The following AFF2 variants were observed in gnomAD, a reference collection of about 807,000 sequenced individuals.
The protein encoded by AFF2 is AF4/FMR2 family member 2.
In AFF2, 14 loss-of-function variants were observed where a neutral mutation model predicts 76.9. That is an observed-to-expected ratio of 0.18 (90% CI 0.12 to 0.28). The LOEUF (loss-of-function observed/expected upper bound fraction) is 0.28, where lower values mean the gene tolerates loss of function less well. AFF2 is among the 10% of genes least tolerant of loss of function. The pLI, the probability that AFF2 is intolerant of heterozygous loss-of-function variation, is 1.00. For synonymous variants in AFF2, 398 were observed against 366.7 expected (o/e 1.09, Z -0.98); for missense variants, 868 against 1,001.1 (o/e 0.87, Z 1.79).
intron 1 of AFF2, among the ~76,000 whole-genome samples, chrX:148,509,525 C>T (rs1411814133): frequency 8.9e-6 from 1 of 112,042 alleles, no homozygotes; most frequent in Non-Finnish European, 1.9e-5. Context: ...GCTTTGGAAA[C>T]ATTTGTGCAA....
At chrX:148,879,994 G>T (rs889548844) in intron 7 of AFF2, among the ~76,000 whole-genome samples, 2 of 112,126 alleles carry the variant, frequency 1.8e-5, no homozygotes, top group African/African-American at 6.5e-5. Context: ...TCAGGCCCAC[G>T]TGCCCATGGC....
rs1372097557 is a variant in AFF2, at chrX:148,507,926, G to T, written c.47+6782G>T. Among the ~76,000 whole-genome samples, 3 of 111,899 alleles carry T rather than the reference G, an allele frequency of 2.7e-5. No individual in the cohort carries two copies. The East Asian group carries it at 8.4e-4, about 31-fold the overall frequency. On this transcript the variant is annotated intron_variant, in intron 1 of 20. Transcript: ENST00000370460. ...TTGATTATGGATTGCTTACTTTATG[G>T]GATGCTGTTTTTCAAACATACCTGT... is the stretch of plus-strand genomic sequence containing the variant.
intron 3 of AFF2, among the ~76,000 whole-genome samples, chrX:148,680,575 GC>G (rs1277008680): frequency 3.6e-5 from 4 of 111,863 alleles, no homozygotes; most frequent in Non-Finnish European, 7.5e-5. Context: ...CCTTTATCAA[GC>G]ACTTATCATA....
intron 1 of AFF2, among the ~76,000 whole-genome samples, chrX:148,638,468 C>T: frequency 9.0e-6 from 1 of 111,614 alleles, no homozygotes; most frequent in African/African-American, 3.3e-5. Context: ...GATCCAATCA[C>T]CCCCCAACCA....
intron 3 of AFF2, among the ~76,000 whole-genome samples, chrX:148,782,533 T>C (rs782450548): frequency 8.9e-6 from 1 of 112,480 alleles, no homozygotes; most frequent in Non-Finnish European, 1.9e-5. Context: ...AGGATGGTTT[T>C]TCCCATTTCT....
At position 148,500,742 on chromosome X, in the gene AFF2, CT is replaced by C. The variant is rs1221391039; in HGVS notation, c.-355del. On this transcript the variant is annotated 5_prime_UTR_variant, in exon 1 of 21. Coordinates refer to ENST00000370460, the MANE Select transcript of AFF2 (RefSeq NM_002025.4). ...TCTGCCCCGGCCGCCCCCGCCGCCG[CT>C]GCCGCCGCCGGCCCGCAGCCAGCCA... The C allele has an allele frequency of 7.0e-5, 7 of 100,641 alleles. No homozygotes were observed. The highest frequency in any genetic ancestry group is 4.1e-4 in the Admixed American group (4 of 9,776). 8.3% of individuals were successfully genotyped at this position (100,641 alleles called of 1,213,427 possible).
intron 3 of AFF2, among the ~76,000 whole-genome samples, chrX:148,710,190 A>T (rs1041479863): frequency 5.4e-5 from 6 of 112,092 alleles, no homozygotes; most frequent in African/African-American, 1.9e-4. Flanking sequence ...GAAATTGATC[A>T]GGTTGTTCTC....
chrX:148,809,502 C>T (rs914163343), intron 3 of AFF2, among the ~76,000 whole-genome samples: 15 of 111,956 alleles, frequency 1.3e-4, no homozygotes, highest in East Asian at 1.1e-3. Flanking sequence ...AAAAGTGTTT[C>T]GTATAGGCCT....
chrX:148,965,545 T>A (rs2072161906), intron 13 of AFF2, among the ~76,000 whole-genome samples: 1 of 111,595 alleles, frequency 9.0e-6, no homozygotes, highest in Non-Finnish European at 1.9e-5. Context: ...CAAAGTCAGT[T>A]TGGAAACTCT....
intron 3 of AFF2, among the ~76,000 whole-genome samples, chrX:148,662,999 C>A (rs1258086957): frequency 8.9e-6 from 1 of 111,917 alleles, no homozygotes; most frequent in Non-Finnish European, 1.9e-5. Flanking sequence ...CAAGGTCGGT[C>A]TGACTGAAAG....
chrX:148,800,750 T>C lies in AFF2; in HGVS notation c.1042-9126T>C, dbSNP rs183687731. On this transcript the variant is annotated intron_variant, in intron 3 of 20. Transcript: ENST00000370460. ...GAGGAAGTCCTTGTATCTTAGACAC[T>C]GTAAATGATTTGAAGAACTTGTCAG... Among the ~76,000 whole-genome samples, 4 of 111,893 alleles carry C rather than the reference T, an allele frequency of 3.6e-5. No homozygotes were observed. The East Asian group carries it at 1.1e-3, about 32-fold the overall frequency.
At chrX:148,776,396 A>G (rs2069667221) in intron 3 of AFF2, among the ~76,000 whole-genome samples, 2 of 111,844 alleles carry the variant, frequency 1.8e-5, no homozygotes, top group Non-Finnish European at 3.8e-5. Context: ...TGCTGGGTCA[A>G]ATGGTATTTC....
intron 2 of AFF2, among the ~76,000 whole-genome samples, chrX:148,656,714 A>G (rs969856747): frequency 2.8e-5 from 3 of 107,820 alleles, no homozygotes; most frequent in Non-Finnish European, 5.8e-5. Context: ...TTTAGCCGGG[A>G]TGGTCTCGAT....
intron 1 of AFF2, among the ~76,000 whole-genome samples, chrX:148,543,594 C>T (rs782197718): frequency 1.1e-4 from 12 of 111,899 alleles, no homozygotes; most frequent in South Asian, 7.5e-4. Context: ...CGCATGACAG[C>T]ATGCTGTAGT....
intron 9 of AFF2, among the ~76,000 whole-genome samples, chrX:148,911,531 C>T: frequency 9.0e-6 from 1 of 111,695 alleles, no homozygotes; most frequent in Non-Finnish European, 1.9e-5. Flanking sequence ...TCTATCATAT[C>T]CCTTCCCTGG....
At chrX:148,576,475 C>G (rs782604379) in intron 1 of AFF2, among the ~76,000 whole-genome samples, 1 of 111,678 alleles carries the variant, frequency 9.0e-6, no homozygotes, top group South Asian at 3.7e-4. Flanking sequence ...GATGTCAGTA[C>G]TTCGAGGAAA....
At chrX:148,579,305 C>T (rs781998843) in intron 1 of AFF2, among the ~76,000 whole-genome samples, 1 of 111,681 alleles carries the variant, frequency 9.0e-6, no homozygotes, top group South Asian at 3.7e-4. Flanking sequence ...TATTTGTTAC[C>T]AGATTGGCTC....
At chrX:148,527,853 T>C (rs1557235419) in intron 1 of AFF2, among the ~76,000 whole-genome samples, 1 of 112,244 alleles carries the variant, frequency 8.9e-6, no homozygotes, top group Non-Finnish European at 1.9e-5. Flanking sequence ...GCCCTAACTC[T>C]AGTACTGGCT....
chrX:148,554,279 C>T (rs1465903076), intron 1 of AFF2, among the ~76,000 whole-genome samples: 4 of 112,301 alleles, frequency 3.6e-5, no homozygotes, highest in Non-Finnish European at 7.5e-5. Flanking sequence ...CTAGTTGCTG[C>T]GGATACAGCA....
Sources: gnomAD v4.1 joint callset for allele counts (sites outside exome capture counted in the v4.1 genomes callset) on GRCh38, gnomAD v4.1.1 for gene constraint, MANE v1.5 for transcripts, NCBI Gene and HGNC (gene_info 2026-07-23, HGNC 2026-07-21) for gene names.